The following PAN2 variants were observed in gnomAD, a reference collection of about 807,000 sequenced individuals.
PAN2 encodes poly(A) specific ribonuclease subunit PAN2.
Under a neutral mutation model 133.3 loss-of-function variants are expected in PAN2, and 68 were observed. That is an observed-to-expected ratio of 0.51 (90% CI 0.42 to 0.62). The LOEUF (loss-of-function observed/expected upper bound fraction) is 0.62, where lower values mean the gene tolerates loss of function less well. Among genes scored for constraint, PAN2 ranks in the 20% least tolerant of loss-of-function variants. PAN2 has a pLI of 0.00. For missense variants in PAN2, 1,042 were observed against 1,500.5 expected, an observed-to-expected ratio of 0.69 and a Z score of 5.05; for synonymous variants, 462 against 544.6, an observed-to-expected ratio of 0.85 and a Z score of 2.11.
rs1334616345 is a variant in PAN2, at chr12:56,324,899, C to T, written c.1599+110G>A. ...GGCAAGAAAGAATTGTAGAGGAGACCATGGTAAAGAGAACACGGCTGAGGA... is the reference window on the plus strand; with the variant it reads ...GGCAAGAAAGAATTGTAGAGGAGACTATGGTAAAGAGAACACGGCTGAGGA... On this transcript the variant is annotated intron_variant, in intron 10 of 25. Coordinates refer to ENST00000440411, the MANE Select transcript of PAN2 (RefSeq NM_014871.6). 6.3e-6 allele frequency: 9 copies of T among 1,418,258 alleles called. No individual in the cohort carries two copies. The South Asian group carries it at 6.7e-5, about 11-fold the overall frequency. The allele number at this position is 1,418,258 out of a possible 1,614,324, so 87.9% of individuals were successfully genotyped here.
chr12:56,328,184 G>A, intron 4 of PAN2, 54 bp downstream of exon 4: 2 of 1,594,184 alleles, frequency 1.3e-6, no homozygotes, highest in African/African-American at 1.3e-5. Flanking sequence ...AGCATACCCT[G>A]CCCCCGCAAC....
At chr12:56,322,025 C>G (rs888731702) in intron 20 of PAN2, 53 bp downstream of exon 20, 24 of 950,206 alleles carry the variant, frequency 2.5e-5, no homozygotes, top group Non-Finnish European at 3.4e-5. Context: ...AGATCTCACC[C>G]TGAAGCCCAA....
intron 19 of PAN2, 48 bp from the exon 20 acceptor site, chr12:56,322,216 C>T (rs1161362782): frequency 3.1e-6 from 4 of 1,288,322 alleles, no homozygotes; most frequent in Middle Eastern, 1.8e-4. Context: ...CACCCTTTTC[C>T]TTTTCCCCCA....
Position 56,325,426 on chromosome 12 carries a change from C to T in PAN2, c.1388G>A (p.Ser463Asn). 6.2e-7 allele frequency: 1 copy of T among 1,614,190 alleles called. No individual in the cohort carries two copies. The highest frequency in any genetic ancestry group is 8.5e-7 in the Non-Finnish European group (1 of 1,180,002). Residue 463 changes from serine to asparagine, a missense_variant, in exon 9 of 26, where the codon AGT (serine) becomes AAT (asparagine). Transcript: ENST00000440411. ...GACCTGGCTGAAGCTGTCAAATTCACTGTCTGACTCCTTGAGTCTGTAGGG... is the reference window on the plus strand; with the variant it reads ...GACCTGGCTGAAGCTGTCAAATTCATTGTCTGACTCCTTGAGTCTGTAGGG... ...QIPYRLKESD[S>N]EFDSFSQVTE...
In PAN2 at chr12:56,319,909, A is replaced by C. The variant is rs1008299502; in HGVS notation, c.2901T>G (p.Ile967Met). ...CAGCATCCAGACCCACCAGGTCCCC[A>C]ATCTGTGGCATCTCATTCAGCATCA... Reference protein sequence around the residue: ...IPLMLNEMPQIGDLVGLDAEF... With the variant: ...IPLMLNEMPQMGDLVGLDAEF... Residue 967 changes from isoleucine to methionine, a missense_variant, in exon 21 of 26, where the codon ATT becomes ATG. Physicochemically the swap from Ile to Met is conservative, Grantham distance 10. Transcript: ENST00000440411. The surrounding 1 kb of genome is among the most constrained non-coding windows in gnomAD (Gnocchi z 5.4). 1 of 1,614,234 alleles carries C rather than the reference A, an allele frequency of 6.2e-7. No individual in the cohort carries two copies.
rs867011886 is a variant in PAN2 at position 56,324,932 on chromosome 12, A to G, written c.1599+77T>C. On this transcript the variant is annotated intron_variant, in intron 10 of 25. Transcript: ENST00000440411. ...AGAGAACACGGCTGAGGAGACCTGG[A>G]AAGAGCAGGGTCGAGAGCCATAGGG... 33 of 1,547,262 alleles carry G rather than the reference A, an allele frequency of 2.1e-5. No individual in the cohort carries two copies. In the Middle Eastern group the frequency reaches 1.1e-3, roughly 51 times the overall value.
At chr12:56,320,243 C>T (rs1874333542) in intron 20 of PAN2, among the ~76,000 whole-genome samples, 1 of 152,156 alleles carries the variant, frequency 6.6e-6, no homozygotes, top group Non-Finnish European at 1.5e-5. Context: ...GAAAAGACCA[C>T]AGAGAAGAAA....
In PAN2 at chr12:56,324,443, G is replaced by A. The variant is rs756142460; in HGVS notation, c.1779C>T (p.Leu593=). Residue 593 remains leucine (L), a synonymous_variant, in exon 12 of 26, where the codon CTC becomes CTT. Coordinates refer to ENST00000440411, the MANE Select transcript of PAN2 (RefSeq NM_014871.6). ...CATCTGAGTCAGCCAGGATTAGACC[G>A]AGGGCTGAGGCCTCAGGAATAGTAC... ...AFRTIPEASA[L]GLILADSDEA... 13 of 1,614,160 alleles carry A rather than the reference G, an allele frequency of 8.1e-6. No individual in the cohort carries two copies. The highest frequency in any genetic ancestry group is 1.6e-4 in the Middle Eastern group (1 of 6,062).
chr12:56,324,876 CAAGA>C (rs1256211579), intron 10 of PAN2, 129 bp downstream of exon 10: 28 of 1,379,192 alleles, frequency 2.0e-5, no homozygotes, highest in Non-Finnish European at 2.7e-5. Flanking sequence ...GTTGTAGAGG[CAAGA>C]AAGAATTGTA....
At chr12:56,318,138 C>G in intron 25 of PAN2, 99 bp downstream of exon 25, 1 of 984,172 alleles carries the variant, frequency 1.0e-6, no homozygotes, top group East Asian at 2.4e-5. Context: ...AATCACGCTA[C>G]TGCACTTCAG....
rs1361484607 is a variant in PAN2 at position 56,317,635 on chromosome 12, C to T, written c.3571G>A (p.Val1191Ile). The stretch of plus-strand genomic sequence containing the variant: ...CAGAGCGCCAGCACTGAGGAGAAGA[C>T]AGCTGCATCTGTCAGAGACAAAACC... ...EGQTSPKNAA[V>I]FSSVLAL Residue 1191 changes from valine to isoleucine, a missense_variant, in exon 26 of 26, where the codon GTC becomes ATC. Transcript: ENST00000440411. The T allele has an allele frequency of 7.4e-6, 12 of 1,613,802 alleles. No homozygotes were observed. In the South Asian group the frequency reaches 1.3e-4, roughly 18 times the overall value.
At chr12:56,324,815 C>A in intron 10 of PAN2, 106 bp from the exon 11 acceptor site, 1 of 1,461,800 alleles carries the variant, frequency 6.8e-7, no homozygotes, top group East Asian at 2.3e-5. Flanking sequence ...AGCAGGAGTC[C>A]ACCGAAGCAG....
chr12:56,333,284 C>A, intron 1 of PAN2, 76 bp from the exon 2 acceptor site: 1 of 596,064 alleles, frequency 1.7e-6, no homozygotes, highest in South Asian at 2.1e-5. Context: ...GTTATGGGGG[C>A]AGGAGGGAGA....
rs956743387 is a variant in PAN2, at chr12:56,322,177, G to C, written c.2698-9C>G. On this transcript the variant is annotated splice_polypyrimidine_tract_variant and intron_variant, in intron 19 of 25. Coordinates refer to ENST00000440411, the MANE Select transcript of PAN2 (RefSeq NM_014871.6). The stretch of plus-strand genomic sequence containing the variant: ...AACTGCACAGCTTCATGCTATAGAA[G>C]AGAAAAAGCACTTATGGCTAATGTA... The C allele has an allele frequency of 6.4e-7, 1 of 1,552,536 alleles. No homozygotes were observed. The highest frequency in any genetic ancestry group is 2.3e-5 in the East Asian group (1 of 44,372).
chr12:56,329,944 A>G lies in PAN2; in HGVS notation c.283-1303T>C, dbSNP rs1172504186. 0.021 allele frequency among the ~76,000 whole-genome samples: 79 copies of G among 3,848 alleles called. No homozygotes were observed. In the South Asian group the frequency reaches 0.24, roughly 12 times the overall value. 2.5% of individuals were successfully genotyped at this position (3,848 alleles called of 152,430 possible). Reference sequence around the variant, plus strand: ...GGGCAACAGAGTGAGATTCCACCTAAAAAAAAAAAAAAAAAAAAGCCCTTC... The same window carrying G: ...GGGCAACAGAGTGAGATTCCACCTAGAAAAAAAAAAAAAAAAAAGCCCTTC... On this transcript the variant is annotated intron_variant, in intron 2 of 25. Transcript: ENST00000440411.
chr12:56,323,731 G>A, intron 14 of PAN2, 76 bp downstream of exon 14: 1 of 1,436,998 alleles, frequency 7.0e-7, no homozygotes, highest in Non-Finnish European at 9.8e-7. Context: ...TGCTGACAGA[G>A]CCAGCCCCAC....
chr12:56,324,945 G>A (rs539527757), intron 10 of PAN2, 64 bp downstream of exon 10: 22 of 1,584,620 alleles, frequency 1.4e-5, no homozygotes, highest in South Asian at 9.2e-5. Flanking sequence ...GAGCAGGGTC[G>A]AGAGCCATAG....
At position 56,325,107 on chromosome 12, in the gene PAN2, G is replaced by T. The variant is rs1874967225; in HGVS notation, c.1501C>A (p.Leu501Ile). ...TTGAAGTCAAAGTCCTCCAGCCCTA[G>T]CTTGGAATATTTGATGGTCACCTAA... is the stretch of plus-strand genomic sequence containing the variant. ...YRKVTIKYSK[L>I]GLEDFDFKHY... Residue 501 changes from leucine to isoleucine, a missense_variant, in exon 10 of 26, where the codon CTA becomes ATA. Physicochemically the swap from Leu to Ile is conservative, Grantham distance 5. Around this residue, in one of 3 missense-constraint regions of PAN2, gnomAD observed 908 missense variants for 1,223.5 expected, o/e 0.74. Transcript: ENST00000440411. The T allele has an allele frequency of 6.2e-7, 1 of 1,614,044 alleles. No homozygotes were observed.
chr12:56,326,274 TG>T, intron 8 of PAN2, 38 bp downstream of exon 8: 1 of 1,515,668 alleles, frequency 6.6e-7, no homozygotes, highest in East Asian at 2.4e-5. Flanking sequence ...GAAACTTCAG[TG>T]GGCCGGGGTC....
Sources: allele counts gnomAD v4.1 joint callset (sites outside exome capture counted in the v4.1 genomes callset), GRCh38; gene constraint gnomAD v4.1.1; regional missense constraint gnomAD v4.1.1; non-coding constraint Gnocchi (gnomAD v3.1); transcripts MANE v1.5; gene names NCBI Gene and HGNC (gene_info 2026-07-23, HGNC 2026-07-21).